The following INPP4B variants were observed in gnomAD, a reference collection of about 807,000 sequenced individuals.
INPP4B encodes inositol polyphosphate 4-phosphatase type II.
In INPP4B, 55 loss-of-function variants were observed where a neutral mutation model predicts 122.5. The observed-to-expected ratio is 0.45, with a 90% CI of 0.36 to 0.56. The LOEUF (loss-of-function observed/expected upper bound fraction) is 0.56. INPP4B is among the 20% of genes least tolerant of loss of function. INPP4B has a pLI of 0.00. For missense variants in INPP4B, 1,000 were observed against 1,097.7 expected (o/e 0.91, Z 1.26); for synonymous variants, 403 against 388.7 (o/e 1.04, Z -0.43).
At chr4:142,525,185 T>C (rs1422421608) in intron 2 of INPP4B, among the ~76,000 whole-genome samples, 4 of 151,806 alleles carry the variant, frequency 2.6e-5, no homozygotes, top group Non-Finnish European at 2.9e-5. Context: ...TTACAAGGGA[T>C]GTGAAGGACC....
intron 10 of INPP4B, among the ~76,000 whole-genome samples, chr4:142,263,639 A>ATATAT (rs1741226592): frequency 4.8e-5 from 2 of 41,808 alleles, no homozygotes; most frequent in Non-Finnish European, 1.2e-4. Context: ...AAATTCGTAA[A>ATATAT]ATATATATAT....
chr4:142,080,287 T>G (rs1773217709), intron 25 of INPP4B, among the ~76,000 whole-genome samples: 1 of 152,100 alleles, frequency 6.6e-6, no homozygotes, highest in Non-Finnish European at 1.5e-5. Flanking sequence ...GAGCCTGTAT[T>G]GTAAGGCAAA....
chr4:142,756,349 T>C (rs554011510), intron 1 of INPP4B, among the ~76,000 whole-genome samples: 1 of 152,216 alleles, frequency 6.6e-6, no homozygotes, highest in East Asian at 1.9e-4. Context: ...GAAACTGCCT[T>C]ACCTCTGGGA....
chr4:142,257,810 T>C (rs1737172363), intron 11 of INPP4B, among the ~76,000 whole-genome samples: 1 of 151,634 alleles, frequency 6.6e-6, no homozygotes, highest in Non-Finnish European at 1.5e-5. Flanking sequence ...GCCATCCCCA[T>C]CAAGCTACAA....
intron 1 of INPP4B, among the ~76,000 whole-genome samples, chr4:142,771,479 A>G (rs1773056820): frequency 6.6e-6 from 1 of 152,154 alleles, no homozygotes; most frequent in Non-Finnish European, 1.5e-5. Flanking sequence ...TCAGGAAAGA[A>G]TATGGTGATA....
At position 142,026,130 on chromosome 4, in the gene INPP4B, G is replaced by T. The variant is rs1736925546; in HGVS notation, c.*2652C>A. The T allele has an allele frequency of 6.6e-6, 1 of 152,122 alleles. No individual in the cohort carries two copies. The highest frequency in any genetic ancestry group is 1.5e-5 in the Non-Finnish European group (1 of 68,026). The allele number at this position is 152,122 out of a possible 1,614,324, so 9.4% of individuals were successfully genotyped here. A position where few individuals can be genotyped will look rare whatever the true frequency, so the allele number is the denominator to read the frequency against. Reference sequence around the variant, plus strand: ...GGCTCAATATGACCTCCTAAAATAGGTCTGCTGGTGTATCTTTTAAGTGAA... The same window carrying T: ...GGCTCAATATGACCTCCTAAAATAGTTCTGCTGGTGTATCTTTTAAGTGAA... On this transcript the variant is annotated 3_prime_UTR_variant, in exon 26 of 26. Transcript: ENST00000262992.
chr4:142,323,046 G>A (rs928140989), intron 7 of INPP4B, among the ~76,000 whole-genome samples: 1 of 152,148 alleles, frequency 6.6e-6, no homozygotes, highest in African/African-American at 2.4e-5. Flanking sequence ...ATTGTGCCAT[G>A]TTCAAGCCAT....
intron 2 of INPP4B, among the ~76,000 whole-genome samples, chr4:142,618,877 AT>A (rs1744267418): frequency 6.8e-6 from 1 of 147,926 alleles, no homozygotes; most frequent in African/African-American, 2.6e-5. Flanking sequence ...CAATGGCAAA[AT>A]AAATAAATAA....
intron 2 of INPP4B, among the ~76,000 whole-genome samples, chr4:142,548,199 G>T (rs1017802211): frequency 6.6e-6 from 1 of 152,164 alleles, no homozygotes; most frequent in African/African-American, 2.4e-5. Context: ...GAACCAAGTT[G>T]CCAAGTACTA....
chr4:142,057,724 GCTT>G (rs1194904352), intron 25 of INPP4B, among the ~76,000 whole-genome samples: 2 of 152,046 alleles, frequency 1.3e-5, no homozygotes, highest in African/African-American at 4.8e-5. Flanking sequence ...ATCAAAATTT[GCTT>G]TTTTACTCCT....
intron 1 of INPP4B, among the ~76,000 whole-genome samples, chr4:142,754,238 C>A (rs1770163831): frequency 6.6e-6 from 1 of 151,958 alleles, no homozygotes. Flanking sequence ...TACGGGGTTT[C>A]TTTTGCACTC....
rs1486338733 is a variant in INPP4B at position 142,082,202 on chromosome 4, A to C, written c.2488-17T>G. 1 of 1,492,390 alleles carries C rather than the reference A, an allele frequency of 6.7e-7. No homozygotes were observed. Among genetic ancestry groups the C allele is most frequent in the African/African-American group, 1.4e-5 (1 of 73,666 alleles). 92.4% of individuals were successfully genotyped at this position (1,492,390 alleles called of 1,614,324 possible). On this transcript the variant is annotated splice_polypyrimidine_tract_variant and intron_variant, in intron 24 of 25. Coordinates refer to ENST00000262992, the MANE Select transcript of INPP4B (RefSeq NM_001101669.3). ...GCGGCAAATCTGTAACATATGTAAG[A>C]ACGAACGTTTCTTGTTCATTTGTAA... is the stretch of plus-strand genomic sequence containing the variant.
intron 1 of INPP4B, among the ~76,000 whole-genome samples, chr4:142,812,027 A>G (rs183340087): frequency 6.6e-6 from 1 of 152,316 alleles, no homozygotes; most frequent in Non-Finnish European, 1.5e-5. Flanking sequence ...AGCATAAGGC[A>G]CCACGAGAAT....
At chr4:142,596,246 T>C (rs937495800) in intron 2 of INPP4B, among the ~76,000 whole-genome samples, 1 of 152,190 alleles carries the variant, frequency 6.6e-6, no homozygotes, top group African/African-American at 2.4e-5. Context: ...ATCTATATTC[T>C]TCCCTTGAAT....
intron 2 of INPP4B, among the ~76,000 whole-genome samples, chr4:142,589,486 T>A (rs1736956040): frequency 6.6e-6 from 1 of 151,830 alleles, no homozygotes; most frequent in South Asian, 2.1e-4. Context: ...AGATAGCTCA[T>A]CAAAAAAAGG....
chr4:142,083,229 T>A (rs542200013), intron 24 of INPP4B, among the ~76,000 whole-genome samples: 1 of 152,316 alleles, frequency 6.6e-6, no homozygotes, highest in South Asian at 2.1e-4. Context: ...GTTAAGTAAC[T>A]TGCACATAAC....
chr4:142,496,004 A>G (rs1822514638), intron 2 of INPP4B, among the ~76,000 whole-genome samples: 1 of 152,068 alleles, frequency 6.6e-6, no homozygotes, highest in Admixed American at 6.6e-5. Flanking sequence ...CTTTTAGTGC[A>G]TCTAGTACTG....
At chr4:142,329,009 C>G (rs969217887) in intron 7 of INPP4B, among the ~76,000 whole-genome samples, 1 of 152,186 alleles carries the variant, frequency 6.6e-6, no homozygotes, top group South Asian at 2.1e-4. Flanking sequence ...CCTGAACTTT[C>G]CTTGCTCTCA....
chr4:142,502,414 C>A (rs1823499309), intron 2 of INPP4B, among the ~76,000 whole-genome samples: 1 of 152,162 alleles, frequency 6.6e-6, no homozygotes, highest in Admixed American at 6.5e-5. Flanking sequence ...CCAAAACCAA[C>A]ATGTAAACTC....
Sources: allele counts gnomAD v4.1 joint callset (sites outside exome capture counted in the v4.1 genomes callset), GRCh38; gene constraint gnomAD v4.1.1; transcripts MANE v1.5; gene names NCBI Gene and HGNC (gene_info 2026-07-23, HGNC 2026-07-21).